RNF123: variants seen among roughly 807,000 people sequenced by gnomAD.
The protein encoded by RNF123 is E3 ubiquitin-protein ligase RNF123.
In RNF123, 86 loss-of-function variants were observed where a neutral mutation model predicts 168.5. The ratio of observed to expected loss-of-function variants is 0.51; its 90% confidence interval spans 0.43 to 0.61. RNF123 has a LOEUF of 0.61. Among genes scored for constraint, RNF123 ranks in the 20% least tolerant of loss-of-function variants. The pLI is 0.00. For missense variants in RNF123, 1,419 were observed against 1,729.7 expected, an observed-to-expected ratio of 0.82 and a Z score of 3.19; for synonymous variants, 666 against 689.1, an observed-to-expected ratio of 0.97 and a Z score of 0.52.
rs2080182419 is a variant in RNF123, at chr3:49,713,528, T to C, written c.2690T>C (p.Leu897Pro). 1 of 1,610,550 alleles carries C rather than the reference T, an allele frequency of 6.2e-7. No individual in the cohort carries two copies. The highest frequency in any genetic ancestry group is 8.5e-7 in the Non-Finnish European group (1 of 1,178,616). ...MEELPGYEETLTRLAAILAKH... is the reference protein window; with the variant it reads ...MEELPGYEETPTRLAAILAKH... The stretch of plus-strand genomic sequence containing the variant: ...ACCCTTGCAGGCTATGAAGAGACCC[T>C]GACCCGCCTGGCTGCCATTCTCGCC... Residue 897 changes from leucine to proline, a missense_variant, in exon 28 of 39, where the codon CTG becomes CCG. By Grantham distance (98) the Leu-to-Pro change is moderately conservative (BLOSUM62 -3). Coordinates refer to ENST00000327697, the MANE Select transcript of RNF123 (RefSeq NM_022064.5).
chr3:49,696,218 C>G (rs2054264045), intron 3 of RNF123, among the ~76,000 whole-genome samples: 1 of 152,214 alleles, frequency 6.6e-6, no homozygotes, highest in African/African-American at 2.4e-5. Flanking sequence ...TCAGCACAGC[C>G]ACCTTTGAGA....
chr3:49,714,321 TC>T, intron 31 of RNF123, 147 bp downstream of exon 31: 1 of 705,806 alleles, frequency 1.4e-6, no homozygotes, highest in East Asian at 2.7e-5. Flanking sequence ...CCCTGGGGTT[TC>T]CACTTTCCCT....
intron 37 of RNF123, 30 bp from the exon 38 acceptor site, chr3:49,720,990 C>G: frequency 1.2e-6 from 2 of 1,609,090 alleles, no homozygotes; most frequent in South Asian, 2.2e-5. Flanking sequence ...GCATCCAACT[C>G]CAGCCCACCC....
chr3:49,698,076 T>C lies in RNF123; in HGVS notation c.422T>C (p.Ile141Thr), dbSNP rs1287370900. The C allele has an allele frequency of 1.9e-6, 3 of 1,613,812 alleles. No individual in the cohort carries two copies. Among genetic ancestry groups the C allele is most frequent in the African/African-American group, 1.3e-5 (1 of 74,854 alleles). ...GGGAAATGGCTCTACGAGGTCCTCA[T>C]CTCCTCCCAGGGGCTCATGCAGATC... ...YKGKWLYEVLISSQGLMQIGW... is the reference protein window; with the variant it reads ...YKGKWLYEVLTSSQGLMQIGW... Residue 141 changes from isoleucine to threonine, a missense_variant, in exon 7 of 39, where the codon ATC (isoleucine) becomes ACC (threonine). Coordinates refer to ENST00000327697, the MANE Select transcript of RNF123 (RefSeq NM_022064.5).
chr3:49,695,351 C>A (rs1367073702), intron 3 of RNF123, among the ~76,000 whole-genome samples: 3 of 152,188 alleles, frequency 2.0e-5, no homozygotes, highest in African/African-American at 7.2e-5. Context: ...TCTCCCACCT[C>A]AGCCTCCCAA....
At chr3:49,719,737 G>T (rs2080350648) in intron 35 of RNF123, 2 of 402,658 alleles carry the variant, frequency 5.0e-6, no homozygotes. Context: ...CGGGGCCCGG[G>T]CTCCTATTGG....
At chr3:49,718,262 G>A in intron 35 of RNF123, 1 of 1,612,678 alleles carries the variant, frequency 6.2e-7, no homozygotes, top group South Asian at 1.1e-5. Flanking sequence ...GGGGCGAACA[G>A]GTAGAGCAGC....
chr3:49,699,492 C>T lies in RNF123; in HGVS notation c.789C>T (p.Pro263=). The T allele has an allele frequency of 1.2e-6, 2 of 1,609,100 alleles. No individual in the cohort carries two copies. The highest frequency in any genetic ancestry group is 1.7e-6 in the Non-Finnish European group (2 of 1,178,188). Reference sequence around the variant, plus strand: ...CCTACCCAGTGGCAGGCTACCGGCCCCTGCAGGACCCACCGAGTGCTGACC... The same window carrying T: ...CCTACCCAGTGGCAGGCTACCGGCCTCTGCAGGACCCACCGAGTGCTGACC... ...PLRYPVAGYR[P]LQDPPSADLV... The change falls in exon 11 of 39, where the codon CCC becomes CCT. Residue 263 remains proline (P), a synonymous_variant. Transcript: ENST00000327697. The surrounding 1 kb of genome is among the most constrained non-coding windows in gnomAD (Gnocchi z 4.8).
Position 49,702,767 on chromosome 3 carries a change from G to A in RNF123, c.1750+14G>A. The stretch of plus-strand genomic sequence containing the variant: ...CCTTCAGTGAGGGTGAGTGGCACCG[G>A]GGTCCCAGGTCAGTGAGGCTGGACA... On this transcript the variant is annotated intron_variant, in intron 20 of 38. Coordinates refer to ENST00000327697, the MANE Select transcript of RNF123 (RefSeq NM_022064.5). 3 of 1,613,974 alleles carry A rather than the reference G, an allele frequency of 1.9e-6. No individual in the cohort carries two copies. In the South Asian group the frequency reaches 3.3e-5, roughly 18 times the overall value.
intron 37 of RNF123, 41 bp from the exon 38 acceptor site, chr3:49,720,979 G>A (rs2080392510): frequency 1.2e-6 from 2 of 1,608,310 alleles, no homozygotes; most frequent in Non-Finnish European, 1.7e-6. Context: ...CACATAGCCA[G>A]GCATCCAACT....
At position 49,699,565 on chromosome 3, in the gene RNF123, G is replaced by A. The variant is rs1490445593; in HGVS notation, c.862G>A (p.Val288Met). The A allele has an allele frequency of 1.2e-6, 2 of 1,613,506 alleles. No individual in the cohort carries two copies. The highest frequency in any genetic ancestry group is 1.7e-6 in the Non-Finnish European group (2 of 1,179,836). ...GGGCTGCTTCCGGGCAGTGCTGAGTGTGGAGCTGGACCCTGTGGTGAGCTG... is the reference window on the plus strand; with the variant it reads ...GGGCTGCTTCCGGGCAGTGCTGAGTATGGAGCTGGACCCTGTGGTGAGCTG... The part of the protein sequence containing the change: ...LLGCFRAVLS[V>M]ELDPVEGRLL... The change falls in exon 11 of 39, where the codon GTG becomes ATG. Residue 288 changes from valine (V) to methionine (M), a missense_variant. Transcript: ENST00000327697. The surrounding 1 kb of genome is among the most constrained non-coding windows in gnomAD (Gnocchi z 4.8).
chr3:49,713,170 C>G, intron 27 of RNF123: 1 of 591,774 alleles, frequency 1.7e-6, no homozygotes, highest in South Asian at 2.0e-5. Context: ...CTAGCCTGCC[C>G]CCTGCCCAGC....
At chr3:49,705,221 C>T (rs757861137) in intron 23 of RNF123, 39 bp downstream of exon 23, 113 of 1,565,454 alleles carry the variant, frequency 7.2e-5, no homozygotes, top group Non-Finnish European at 9.4e-5. Context: ...CCCGAAGGAC[C>T]CTTCCACAGT....
chr3:49,718,064 C>G, intron 35 of RNF123: 1 of 1,613,662 alleles, frequency 6.2e-7, no homozygotes, highest in Non-Finnish European at 8.5e-7. Context: ...GCCAGCTGCA[C>G]GCGGCCATTG....
At chr3:49,715,398 C>A in intron 31 of RNF123, 177 bp from the exon 32 acceptor site, 1 of 727,544 alleles carries the variant, frequency 1.4e-6, no homozygotes, top group South Asian at 1.9e-5. Flanking sequence ...GGGACAGATT[C>A]TGTCCCAACT....
chr3:49,703,738 G>A (rs1481994295), intron 21 of RNF123, among the ~76,000 whole-genome samples: 4 of 152,262 alleles, frequency 2.6e-5, no homozygotes, highest in Non-Finnish European at 4.4e-5. Context: ...GGGGTCGGGC[G>A]TGCCTGGCAG....
intron 20 of RNF123, 59 bp downstream of exon 20, chr3:49,702,812 C>G: frequency 1.2e-6 from 2 of 1,610,446 alleles, no homozygotes; most frequent in Non-Finnish European, 8.5e-7. Flanking sequence ...GTAGGGCAGC[C>G]CCTAATGTTA....
chr3:49,697,182 C>A lies in RNF123; in HGVS notation c.207C>A (p.Asp69Glu). 1 of 1,614,128 alleles carries A rather than the reference C, an allele frequency of 6.2e-7. No homozygotes were observed. The highest frequency in any genetic ancestry group is 8.5e-7 in the Non-Finnish European group (1 of 1,180,018). ...TCCAGAACCTGCCAGAACATTTGGA[C>A]CAGTTGCTACAGGTGGACAATGAGG... The part of the protein sequence containing the change: ...LNFQNLPEHL[D>E]QLLQVDNEEE... Residue 69 changes from aspartate (D) to glutamate (E), a missense_variant, in exon 4 of 39, where the codon GAC becomes GAA. This residue lies in a region of RNF123 where 318 missense variants were observed against 446.6 expected (regional missense o/e 0.71). Transcript: ENST00000327697.
At chr3:49,719,820 C>A in intron 35 of RNF123, 1 of 246,498 alleles carries the variant, frequency 4.1e-6, no homozygotes. Flanking sequence ...AGATGGGGAG[C>A]AAGGCCAACC....
Sources: gnomAD v4.1 joint callset for allele counts (sites outside exome capture counted in the v4.1 genomes callset) on GRCh38, gnomAD v4.1.1 for gene constraint, gnomAD v4.1.1 regional missense constraint, Gnocchi (gnomAD v3.1) non-coding constraint, MANE v1.5 for transcripts, NCBI Gene and HGNC (gene_info 2026-07-23, HGNC 2026-07-21) for gene names.